Variants in SLIT2 observed in about 807,000 individuals in gnomAD.
The protein encoded by SLIT2 is slit guidance ligand 2, also known as slit homolog 2 protein.
In SLIT2, 41 loss-of-function variants were observed where a neutral mutation model predicts 185.7. The ratio of observed to expected loss-of-function variants is 0.22; its 90% CI spans 0.17 to 0.29. The LOEUF is 0.29. Ranked by LOEUF, SLIT2 falls within the 10% of genes least tolerant of loss-of-function variation. The probability of loss-of-function intolerance (pLI) is 1.00; values close to 1 mark genes in which losing one functional copy is unlikely to be tolerated. For synonymous variants in SLIT2, 693 were observed against 680.2 expected, an observed-to-expected ratio of 1.02 and a Z score of -0.29; for missense variants, 1,571 against 1,909.0, an observed-to-expected ratio of 0.82 and a Z score of 3.30.
chr4:20,291,832 C>A lies in SLIT2; in HGVS notation c.395+22951C>A, dbSNP rs148571879. 1.9e-3 allele frequency among the ~76,000 whole-genome samples: 284 copies of A among 151,840 alleles called. 1 individual carries two copies. The highest frequency in any genetic ancestry group is 6.6e-3 in the African/African-American group (273 of 41,386). On this transcript the variant is annotated intron_variant, in intron 4 of 36. Coordinates refer to ENST00000504154, the MANE Select transcript of SLIT2 (RefSeq NM_004787.4). ...AAATAATTTGCAGCTTTCTTTTGAT[C>A]TCATTTTGAGATGGCTGAAGAAGGG...
chr4:20,551,512 CA>C (rs1001413643), intron 25 of SLIT2, among the ~76,000 whole-genome samples: 7 of 151,892 alleles, frequency 4.6e-5, no homozygotes, highest in Non-Finnish European at 1.0e-4. Flanking sequence ...AAGTGTGGTC[CA>C]AAAAACTCAT....
intron 4 of SLIT2, among the ~76,000 whole-genome samples, chr4:20,373,188 G>A (rs886549366): frequency 4.6e-5 from 7 of 151,928 alleles, no homozygotes; most frequent in Non-Finnish European, 7.4e-5. Context: ...AGAACTTATT[G>A]GAAGAAAAAC....
At chr4:20,348,492 G>A (rs914186287) in intron 4 of SLIT2, among the ~76,000 whole-genome samples, 7 of 151,700 alleles carry the variant, frequency 4.6e-5, no homozygotes, top group East Asian at 1.9e-4. Flanking sequence ...CAGGCAATCC[G>A]CCTGCCTTGG....
At chr4:20,569,626 T>C (rs1473073722) in intron 29 of SLIT2, among the ~76,000 whole-genome samples, 1 of 152,108 alleles carries the variant, frequency 6.6e-6, no homozygotes, top group Non-Finnish European at 1.5e-5. Context: ...ATGACTTGTC[T>C]GTTTTGTCAG....
At chr4:20,287,923 A>G (rs1228828204) in intron 4 of SLIT2, among the ~76,000 whole-genome samples, 1 of 152,182 alleles carries the variant, frequency 6.6e-6, no homozygotes, top group Non-Finnish European at 1.5e-5. Flanking sequence ...TTTAAGTTTT[A>G]TAAAGACTTC....
chr4:20,534,111 C>T (rs1722057719), intron 18 of SLIT2, among the ~76,000 whole-genome samples: 1 of 152,156 alleles, frequency 6.6e-6, no homozygotes, highest in East Asian at 1.9e-4. Flanking sequence ...CCTGTCCTGC[C>T]TCAAAATGGT....
chr4:20,553,185 TATC>T (rs1190042104), intron 25 of SLIT2, among the ~76,000 whole-genome samples: 1 of 152,174 alleles, frequency 6.6e-6, no homozygotes, highest in Non-Finnish European at 1.5e-5. Context: ...CCTTTATCTG[TATC>T]ATTATTCCCA....
At chr4:20,529,275 A>C (rs1017499754) in intron 16 of SLIT2, among the ~76,000 whole-genome samples, 176 bp downstream of exon 16, 27 of 152,354 alleles carry the variant, frequency 1.8e-4, no homozygotes, top group African/African-American at 5.8e-4. Flanking sequence ...ACCTTCATTC[A>C]TCTTTCTAGC....
chr4:20,355,640 A>G (rs1722257468), intron 4 of SLIT2, among the ~76,000 whole-genome samples: 1 of 152,288 alleles, frequency 6.6e-6, no homozygotes, highest in African/African-American at 2.4e-5. Context: ...TTGATTTAAT[A>G]CCAAACTATA....
intron 4 of SLIT2, among the ~76,000 whole-genome samples, chr4:20,432,838 T>C (rs1051027210): frequency 1.3e-5 from 2 of 152,220 alleles, no homozygotes; most frequent in African/African-American, 4.8e-5. Flanking sequence ...GAGGGGTGTG[T>C]TCTTTGCTTA....
intron 33 of SLIT2, among the ~76,000 whole-genome samples, chr4:20,607,913 C>G (rs777947441): frequency 2.4e-4 from 37 of 152,204 alleles, no homozygotes; most frequent in Middle Eastern, 6.8e-3. Flanking sequence ...CCATGTCTGT[C>G]TTTATTTTAA....
At chr4:20,480,512 T>C (rs1479630068) in intron 5 of SLIT2, among the ~76,000 whole-genome samples, 1 of 152,186 alleles carries the variant, frequency 6.6e-6, no homozygotes, top group Non-Finnish European at 1.5e-5. Context: ...GGCTGCTATT[T>C]GCACAGACAG....
chr4:20,315,893 TATTA>T (rs1718533964), intron 4 of SLIT2, among the ~76,000 whole-genome samples: 1 of 152,084 alleles, frequency 6.6e-6, no homozygotes, highest in Admixed American at 6.5e-5. Flanking sequence ...ACTTATTACA[TATTA>T]ATTCATATTT....
At chr4:20,315,061 G>C (rs371962721) in intron 4 of SLIT2, among the ~76,000 whole-genome samples, 1 of 151,628 alleles carries the variant, frequency 6.6e-6, no homozygotes, top group South Asian at 2.1e-4. Flanking sequence ...CATACCCAAG[G>C]TTCTGCATTT....
Position 20,252,683 on chromosome 4 carries a change from G to A in SLIT2, c.-1133G>A, listed in dbSNP as rs1007261210. ...CGGAGCTGCGGCTTATCTGGGAGAC[G>A]AGCGGGGTTGACACGCGCGCACACA... On this transcript the variant is annotated 5_prime_UTR_variant, in exon 1 of 37. Transcript: ENST00000504154. 6.6e-6 allele frequency among the ~76,000 whole-genome samples: 1 copy of A among 152,300 alleles called. No individual in the cohort carries two copies. The highest frequency in any genetic ancestry group is 1.9e-4 in the East Asian group (1 of 5,158).
intron 29 of SLIT2, among the ~76,000 whole-genome samples, chr4:20,574,448 C>T (rs138357857): frequency 7.9e-5 from 12 of 152,272 alleles, no homozygotes; most frequent in African/African-American, 2.9e-4. Context: ...GTCTTGATAG[C>T]TCCAGTTGTA....
intron 8 of SLIT2, among the ~76,000 whole-genome samples, chr4:20,491,263 C>T (rs1717759058): frequency 6.6e-6 from 1 of 152,104 alleles, no homozygotes; most frequent in Non-Finnish European, 1.5e-5. Context: ...TAATTTTTCC[C>T]CACATTTATT....
chr4:20,393,167 A>C (rs1725576826), intron 4 of SLIT2, among the ~76,000 whole-genome samples: 1 of 152,104 alleles, frequency 6.6e-6, no homozygotes, highest in African/African-American at 2.4e-5. Context: ...ATCATTGTAT[A>C]TGCGATCCAT....
Position 20,349,965 on chromosome 4 carries a change from T to A in SLIT2, c.395+81084T>A, listed in dbSNP as rs542723521. 1.4e-3 allele frequency among the ~76,000 whole-genome samples: 216 copies of A among 152,328 alleles called. 1 individual carries two copies. Among genetic ancestry groups the A allele is most frequent in the Non-Finnish European group, 2.3e-3 (157 of 68,042 alleles). ...ATTTTTTGATCTGAATCTGTATAAGTAATATTCTACTTGGAGTAACTCATC... is the reference window on the plus strand; with the variant it reads ...ATTTTTTGATCTGAATCTGTATAAGAAATATTCTACTTGGAGTAACTCATC... On this transcript the variant is annotated intron_variant, in intron 4 of 36. Coordinates refer to ENST00000504154, the MANE Select transcript of SLIT2 (RefSeq NM_004787.4).
Sources: gnomAD v4.1 joint callset for allele counts (sites outside exome capture counted in the v4.1 genomes callset) on GRCh38, gnomAD v4.1.1 for gene constraint, MANE v1.5 for transcripts, NCBI Gene and HGNC (gene_info 2026-07-23, HGNC 2026-07-21) for gene names.